Variants in ELF2 observed in about 807,000 individuals in gnomAD.
ELF2 encodes E74 like ETS transcription factor 2.
ELF2 carries 11 observed loss-of-function variants against 54.8 expected under a neutral mutation model. The ratio of observed to expected loss-of-function variants is 0.20; its 90% CI spans 0.13 to 0.33. ELF2 has a LOEUF of 0.33. ELF2 is among the 10% of genes least tolerant of loss of function. The pLI, the probability that ELF2 is intolerant of heterozygous loss-of-function variation, is 1.00. For synonymous variants in ELF2, 203 were observed against 245.1 expected, an observed-to-expected ratio of 0.83 and a Z score of 1.61; for missense variants, 513 against 703.0, an observed-to-expected ratio of 0.73 and a Z score of 3.06.
chr4:139,102,420 G>C (rs1053086871), intron 4 of ELF2: 1 of 149,704 alleles, frequency 6.7e-6, no homozygotes, highest in Non-Finnish European at 1.5e-5. Flanking sequence ...GGCGCCTGTA[G>C]TCCCAGCTAC....
chr4:139,156,179 C>T (rs1452714107), intron 1 of ELF2, among the ~76,000 whole-genome samples: 8 of 149,328 alleles, frequency 5.4e-5, no homozygotes, highest in African/African-American at 2.0e-4. Context: ...TTTTTTTTGG[C>T]GGGGGAGTCG....
chr4:139,087,163 G>A (rs1000925418), intron 4 of ELF2, among the ~76,000 whole-genome samples: 1 of 152,202 alleles, frequency 6.6e-6, no homozygotes. Flanking sequence ...GGCTCTCCTT[G>A]AGACTTGTTG....
upstream of ELF2, among the ~76,000 whole-genome samples, chr4:139,177,885 C>A (rs990683536): frequency 1.3e-5 from 2 of 152,160 alleles, no homozygotes; most frequent in African/African-American, 4.8e-5. Flanking sequence ...CTTTCCAGTT[C>A]CCACTCCTCA....
In ELF2 at chr4:139,116,573, A is replaced by G. The variant is rs1298157008; in HGVS notation, c.238+8591T>C. On this transcript the variant is annotated intron_variant, in intron 4 of 9. Transcript: ENST00000686138. ...TCATTGTCACCCTTTAAACAAAAAT[A>G]TGGTAAAGGTAGATGAAATAATTTT... 4.2e-6 allele frequency: 3 copies of G among 712,724 alleles called. No individual in the cohort carries two copies. The East Asian group carries it at 4.0e-4, about 94-fold the overall frequency. The allele number at this position is 712,724 out of a possible 1,614,324, so 44.1% of individuals were successfully genotyped here. A position where few individuals can be genotyped will look rare whatever the true frequency, so the allele number is the denominator to read the frequency against.
At chr4:139,152,750 A>C (rs1337589804) in intron 1 of ELF2, among the ~76,000 whole-genome samples, 2 of 152,072 alleles carry the variant, frequency 1.3e-5, no homozygotes, top group South Asian at 2.1e-4. Context: ...TAATAATGAA[A>C]TCAATGCTTT....
intron 4 of ELF2, chr4:139,116,519 C>T (rs1203879113): frequency 2.4e-5 from 6 of 248,916 alleles, no homozygotes; most frequent in Middle Eastern, 1.9e-3. Context: ...AAAATATTAT[C>T]GTATTACTTC....
At chr4:139,071,256 T>C (rs555312886) in intron 6 of ELF2, among the ~76,000 whole-genome samples, 1 of 152,010 alleles carries the variant, frequency 6.6e-6, no homozygotes, top group East Asian at 1.9e-4. Context: ...ATATTGTATA[T>C]AGTATGATAT....
chr4:139,137,791 T>C lies in ELF2; in HGVS notation c.-90A>G. On this transcript the variant is annotated 5_prime_UTR_variant, in exon 3 of 10. The change abolishes an upstream ATG in the 5' untranslated region. Coordinates refer to ENST00000686138, the MANE Select transcript of ELF2 (RefSeq NM_001331036.3). ...CCAGTGTTATAGGTTTGCATTATCA[T>C]GTTTTAAAAGTCAATAGAGATGGAG... The C allele has an allele frequency of 6.4e-7, 1 of 1,559,464 alleles. No individual in the cohort carries two copies. Among genetic ancestry groups the C allele is most frequent in the Non-Finnish European group, 8.7e-7 (1 of 1,155,080 alleles).
intron 4 of ELF2, among the ~76,000 whole-genome samples, chr4:139,080,565 C>T (rs958649057): frequency 2.0e-5 from 3 of 151,226 alleles, no homozygotes; most frequent in Admixed American, 6.6e-5. Flanking sequence ...CATTGTTGAC[C>T]AAAACTTCTG....
At chr4:139,076,450 A>C (rs1730329450) in intron 4 of ELF2, among the ~76,000 whole-genome samples, 1 of 152,160 alleles carries the variant, frequency 6.6e-6, no homozygotes, top group South Asian at 2.1e-4. Flanking sequence ...GAAAAAAAAA[A>C]AACCTTCAAT....
At chr4:139,093,184 TTCGATC>T (rs1732868441) in intron 4 of ELF2, among the ~76,000 whole-genome samples, 2 of 151,574 alleles carry the variant, frequency 1.3e-5, no homozygotes, top group Non-Finnish European at 1.5e-5. Context: ...CCAGGATGGT[TTCGATC>T]TCCTGACCTC....
intron 4 of ELF2, among the ~76,000 whole-genome samples, chr4:139,098,007 CG>C (rs1482640543): frequency 6.6e-5 from 10 of 152,170 alleles, no homozygotes; most frequent in African/African-American, 2.4e-4. Flanking sequence ...GCTGAAATAA[CG>C]TATTTTGTAT....
chr4:139,089,054 G>C (rs1021566158), intron 4 of ELF2, among the ~76,000 whole-genome samples: 7 of 152,194 alleles, frequency 4.6e-5, no homozygotes, highest in African/African-American at 1.4e-4. Flanking sequence ...GCCGTGCCTG[G>C]CCAAGGACTT....
chr4:139,148,318 T>A (rs1739464634), intron 1 of ELF2, among the ~76,000 whole-genome samples: 1 of 77,310 alleles, frequency 1.3e-5, no homozygotes, highest in African/African-American at 5.4e-5. Flanking sequence ...CCTGGCTAAT[T>A]TTTTTTTTTT....
At chr4:139,140,512 G>C (rs1738602205) in intron 1 of ELF2, among the ~76,000 whole-genome samples, 1 of 152,162 alleles carries the variant, frequency 6.6e-6, no homozygotes, top group Non-Finnish European at 1.5e-5. Context: ...CCAACACTTT[G>C]GGAGAGGAAG....
At chr4:139,138,972 T>A (rs6856784) in intron 2 of ELF2, among the ~76,000 whole-genome samples, 150,915 of 152,286 alleles carry the variant, frequency 0.99, 74,785 homozygotes, top group Middle Eastern at 1. Flanking sequence ...CTAAAAAATT[T>A]TTTTGATTTC....
chr4:139,157,122 G>A (rs1161106685), intron 1 of ELF2, among the ~76,000 whole-genome samples: 1 of 152,092 alleles, frequency 6.6e-6, no homozygotes, highest in African/African-American at 2.4e-5. Flanking sequence ...TACACACCTA[G>A]GCTACACAAT....
At chr4:139,067,650 C>G in intron 7 of ELF2, 34 bp downstream of exon 7, 1 of 1,603,366 alleles carries the variant, frequency 6.2e-7, no homozygotes, top group Non-Finnish European at 8.5e-7. Context: ...GAAAAAAAAT[C>G]ATCTCACTTC....
Position 139,061,867 on chromosome 4 carries a change from C to T in ELF2, c.804G>A (p.Leu268=). 1 of 1,611,500 alleles carries T rather than the reference C, an allele frequency of 6.2e-7. No individual in the cohort carries two copies. The change falls in exon 8 of 10, where the codon TTG becomes TTA. Residue 268 remains leucine, a splice_region_variant and synonymous_variant. Transcript: ENST00000686138. ...TACTAGCTCATTTGAGTTTTTACCT[C>T]AAAGCTCGTCCCATGGTTTCATAGT... ...DMNYETMGRA[L]RYYYQRGILA...
Sources: allele counts gnomAD v4.1 joint callset (sites outside exome capture counted in the v4.1 genomes callset), GRCh38; gene constraint gnomAD v4.1.1; transcripts MANE v1.5; gene names NCBI Gene and HGNC (gene_info 2026-07-23, HGNC 2026-07-21).